The following CCDC178 variants were observed in gnomAD, a reference collection of about 807,000 sequenced individuals.
CCDC178 encodes the protein coiled-coil domain-containing protein 178.
A neutral mutation model predicts 117.4 loss-of-function variants in CCDC178; 126 were observed. That is an observed-to-expected ratio of 1.07 (90% CI 0.93 to 1.24). The LOEUF is 1.24. Among genes scored for constraint, CCDC178 ranks in the 50% most tolerant of loss-of-function variants. CCDC178 has a pLI of 0.00. For missense variants in CCDC178, 1,030 were observed against 986.9 expected, an observed-to-expected ratio of 1.04 and a Z score of -0.59; for synonymous variants, 283 against 313.4, an observed-to-expected ratio of 0.90 and a Z score of 1.02.
intron 14 of CCDC178, among the ~76,000 whole-genome samples, chr18:33,259,026 A>C (rs1194173762): frequency 6.6e-6 from 1 of 152,148 alleles, no homozygotes; most frequent in Non-Finnish European, 1.5e-5. Flanking sequence ...TGAGGATCTA[A>C]AAATGGGGGA....
intron 22 of CCDC178, among the ~76,000 whole-genome samples, chr18:32,954,916 C>T (rs774420088): frequency 6.6e-6 from 1 of 151,926 alleles, no homozygotes; most frequent in Non-Finnish European, 1.5e-5. Flanking sequence ...ATGCTACATC[C>T]ACTTAAAAAA....
intron 21 of CCDC178, among the ~76,000 whole-genome samples, chr18:33,037,020 A>T (rs2056457243): frequency 6.6e-6 from 1 of 151,970 alleles, no homozygotes; most frequent in South Asian, 2.1e-4. Flanking sequence ...CAAGACAGAC[A>T]GTGGTCAAGA....
intron 21 of CCDC178, among the ~76,000 whole-genome samples, chr18:33,027,071 T>G (rs1375024701): frequency 6.6e-6 from 1 of 151,844 alleles, no homozygotes; most frequent in Non-Finnish European, 1.5e-5. Flanking sequence ...TGAAATGCAT[T>G]GCAAAACTTA....
chr18:33,380,008 G>T (rs2063421239), intron 5 of CCDC178, among the ~76,000 whole-genome samples: 1 of 152,112 alleles, frequency 6.6e-6, no homozygotes, highest in South Asian at 2.1e-4. Flanking sequence ...ATAAAGAGAA[G>T]GCCAGCTTAG....
intron 14 of CCDC178, among the ~76,000 whole-genome samples, chr18:33,262,217 C>T (rs1164040579): frequency 8.5e-5 from 13 of 152,178 alleles, no homozygotes; most frequent in African/African-American, 2.9e-4. Flanking sequence ...AAATATTTGC[C>T]TGATAATTTA....
chr18:33,124,364 C>T (rs932654741), intron 20 of CCDC178, among the ~76,000 whole-genome samples: 22 of 152,266 alleles, frequency 1.4e-4, no homozygotes, highest in African/African-American at 5.3e-4. Context: ...ACCTGTGAGT[C>T]CTGATTCCGG....
At chr18:33,379,148 ATAAT>A (rs2063403665) in intron 5 of CCDC178, among the ~76,000 whole-genome samples, 1 of 143,250 alleles carries the variant, frequency 7.0e-6, no homozygotes, top group Non-Finnish European at 1.5e-5. Flanking sequence ...CCATATATAT[ATAAT>A]ATATATATTT....
intron 12 of CCDC178, among the ~76,000 whole-genome samples, chr18:33,283,292 A>G (rs954952979): frequency 6.6e-6 from 1 of 152,156 alleles, no homozygotes; most frequent in African/African-American, 2.4e-5. Context: ...AGTATAAATT[A>G]AACCCCCAAA....
At chr18:32,942,505 A>G (rs965793638) in intron 22 of CCDC178, among the ~76,000 whole-genome samples, 10 of 152,210 alleles carry the variant, frequency 6.6e-5, no homozygotes, top group African/African-American at 2.4e-4. Context: ...CCCATAAGTC[A>G]GAGCACAAGA....
At chr18:33,097,074 C>T (rs1009866615) in intron 20 of CCDC178, among the ~76,000 whole-genome samples, 3 of 152,250 alleles carry the variant, frequency 2.0e-5, no homozygotes, top group South Asian at 4.1e-4. Context: ...TCCAAAGGTA[C>T]AGTCTATTTC....
At chr18:33,363,266 A>G (rs899706672) in intron 6 of CCDC178, among the ~76,000 whole-genome samples, 7 of 152,048 alleles carry the variant, frequency 4.6e-5, no homozygotes, top group Non-Finnish European at 8.8e-5. Flanking sequence ...ACGAAACTTC[A>G]AAGTTTTCAT....
At chr18:33,358,653 C>A (rs1014809991) in intron 6 of CCDC178, among the ~76,000 whole-genome samples, 1 of 151,746 alleles carries the variant, frequency 6.6e-6, no homozygotes, top group South Asian at 2.1e-4. Flanking sequence ...TTGAGCAAAT[C>A]TCCAAAGAAA....
intron 20 of CCDC178, among the ~76,000 whole-genome samples, chr18:33,116,560 A>G (rs2057858926): frequency 6.6e-6 from 1 of 152,126 alleles, no homozygotes; most frequent in African/African-American, 2.4e-5. Context: ...CTCACTCAGA[A>G]AACACCCAGA....
intron 21 of CCDC178, among the ~76,000 whole-genome samples, chr18:33,057,541 G>C (rs939890294): frequency 4.6e-5 from 7 of 152,100 alleles, no homozygotes; most frequent in Non-Finnish European, 8.8e-5. Flanking sequence ...ACCCAGGCTG[G>C]AGTGCAATGG....
chr18:33,014,068 A>G (rs2055929173), intron 21 of CCDC178, among the ~76,000 whole-genome samples: 1 of 152,224 alleles, frequency 6.6e-6, no homozygotes, highest in African/African-American at 2.4e-5. Context: ...TAAAAATTGT[A>G]AGCTTTGTAA....
chr18:33,223,318 A>G (rs1444460571), intron 17 of CCDC178, 99 bp from the exon 18 acceptor site: 1 of 1,281,734 alleles, frequency 7.8e-7, no homozygotes, highest in African/African-American at 1.5e-5. Context: ...TAACAACAGC[A>G]TTTATTTTGG....
chr18:32,988,929 T>A (rs947101334), intron 21 of CCDC178, among the ~76,000 whole-genome samples: 1 of 152,078 alleles, frequency 6.6e-6, no homozygotes, highest in Non-Finnish European at 1.5e-5. Context: ...AATAGAAAGC[T>A]ACATATTCTT....
At chr18:33,430,314 G>A (rs906558582) in intron 2 of CCDC178, among the ~76,000 whole-genome samples, 1 of 152,146 alleles carries the variant, frequency 6.6e-6, no homozygotes, top group Admixed American at 6.5e-5. Context: ...AAACACTTTT[G>A]ATGAAATAGT....
intron 4 of CCDC178, among the ~76,000 whole-genome samples, chr18:33,393,244 G>C (rs891399846): frequency 6.6e-6 from 1 of 151,970 alleles, no homozygotes; most frequent in African/African-American, 2.4e-5. Context: ...TATTCTATCT[G>C]TAACTGTTAG....
Sources: allele counts gnomAD v4.1 joint callset (sites outside exome capture counted in the v4.1 genomes callset), GRCh38; gene constraint gnomAD v4.1.1; transcripts MANE v1.5; gene names NCBI Gene and HGNC (gene_info 2026-07-23, HGNC 2026-07-21).